The following AVEN variants were observed in gnomAD, a reference collection of about 807,000 sequenced individuals.
AVEN encodes the protein cell death regulator Aven.
AVEN carries 41 observed loss-of-function variants against 38.1 expected under a neutral mutation model. The observed-to-expected ratio is 1.08, with a 90% CI of 0.84 to 1.40. AVEN has a LOEUF of 1.40. Among genes scored for constraint, AVEN ranks in the 40% most tolerant of loss-of-function variants. The pLI is 0.00. For synonymous variants in AVEN, 206 were observed against 171.8 expected, an observed-to-expected ratio of 1.20 and a Z score of -1.56; for missense variants, 605 against 438.8, an observed-to-expected ratio of 1.38 and a Z score of -3.38.
At chr15:33,976,653 T>C (rs914377559) in intron 2 of AVEN, among the ~76,000 whole-genome samples, 20 of 152,126 alleles carry the variant, frequency 1.3e-4, no homozygotes, top group Admixed American at 5.9e-4. Context: ...GCAGGCATAA[T>C]GGTATATCTC....
At chr15:33,888,491 G>A (rs1472656269) in intron 2 of AVEN, among the ~76,000 whole-genome samples, 1 of 152,158 alleles carries the variant, frequency 6.6e-6, no homozygotes, top group Non-Finnish European at 1.5e-5. Context: ...AGGTACTGTG[G>A]GATGTGCAAG....
rs146730433 is a variant in AVEN at position 33,911,263 on chromosome 15, G to A, written c.446-35268C>T. Among the ~76,000 whole-genome samples, 487 of 152,282 alleles carry A rather than the reference G, an allele frequency of 3.2e-3. 2 individuals are homozygous for A. Among genetic ancestry groups the A allele is most frequent in the African/African-American group, 0.011 (473 of 41,556 alleles). On this transcript the variant is annotated intron_variant, in intron 2 of 5. Coordinates refer to ENST00000306730, the MANE Select transcript of AVEN (RefSeq NM_020371.3). ...CTTGTTCTACTGACCAGATACCACTGTGAAGGCAGCAGATCAAAGCTGGTG... is the reference window on the plus strand; with the variant it reads ...CTTGTTCTACTGACCAGATACCACTATGAAGGCAGCAGATCAAAGCTGGTG...
chr15:34,045,709 A>G (rs1899657407), intron 5 of AVEN, among the ~76,000 whole-genome samples: 2 of 142,914 alleles, frequency 1.4e-5, no homozygotes, highest in Admixed American at 1.5e-4. Flanking sequence ...CATAAAAAAA[A>G]AAAGGTGTTT....
intron 2 of AVEN, among the ~76,000 whole-genome samples, chr15:33,918,930 T>TTC (rs1446457539): frequency 6.6e-6 from 1 of 151,080 alleles, no homozygotes; most frequent in Non-Finnish European, 1.5e-5. Context: ...TTCTGTTTTT[T>TTC]TTTTTTTTGA....
In AVEN at chr15:33,871,038, T is replaced by A; in HGVS notation, c.517-8A>T. 2 of 1,437,012 alleles carry A rather than the reference T, an allele frequency of 1.4e-6. No homozygotes were observed. Among genetic ancestry groups the A allele is most frequent in the African/African-American group, 1.5e-5 (1 of 68,450 alleles). The allele number at this position is 1,437,012 out of a possible 1,614,324, so 89.0% of individuals were successfully genotyped here. ...CACATAAAATGCTGAATTCTATATA[T>A]ATATATAAAAGAAAATAAAATATCA... On this transcript the variant is annotated splice_region_variant and splice_polypyrimidine_tract_variant and intron_variant, in intron 3 of 5. Transcript: ENST00000306730.
chr15:33,863,669 G>C (rs1032903719), downstream of AVEN, among the ~76,000 whole-genome samples: 1 of 152,038 alleles, frequency 6.6e-6, no homozygotes, highest in Non-Finnish European at 1.5e-5. Context: ...CAAAACTATA[G>C]TTCTGGAAGA....
At chr15:34,018,462 C>T (rs995645527) in intron 1 of AVEN, 4 of 152,070 alleles carry the variant, frequency 2.6e-5, no homozygotes, top group Admixed American at 6.6e-5. Context: ...CACATACCTT[C>T]GCAGTGAGTG....
intron 1 of AVEN, among the ~76,000 whole-genome samples, chr15:34,030,464 G>T (rs958217068): frequency 6.6e-6 from 1 of 152,016 alleles, no homozygotes; most frequent in African/African-American, 2.4e-5. Context: ...TCCTGCCTCA[G>T]CCTCTCAAGT....
chr15:33,920,271 G>A (rs1893345059), intron 2 of AVEN, among the ~76,000 whole-genome samples: 1 of 152,158 alleles, frequency 6.6e-6, no homozygotes, highest in African/African-American at 2.4e-5. Flanking sequence ...TATGCATATT[G>A]TCCTGCAACC....
chr15:33,921,903 A>AAG (rs879425683), intron 2 of AVEN, among the ~76,000 whole-genome samples: 104,388 of 151,492 alleles, frequency 0.69, 36,298 homozygotes, highest in East Asian at 0.8. Context: ...CAGCAAACCT[A>AAG]CAGTTCATTT....
chr15:33,858,690 A>AG (rs1190095599), downstream of AVEN: 2 of 139,216 alleles, frequency 1.4e-5, no homozygotes, highest in African/African-American at 5.0e-5. Flanking sequence ...GGAGGTGGGG[A>AG]GGGGGAGTCC....
At chr15:33,963,499 T>C (rs746375225) in intron 2 of AVEN, among the ~76,000 whole-genome samples, 2 of 152,046 alleles carry the variant, frequency 1.3e-5, no homozygotes, top group Non-Finnish European at 2.9e-5. Flanking sequence ...TATCAGAAAG[T>C]AAAACACCAG....
chr15:34,029,467 G>A (rs1898658889), intron 1 of AVEN, among the ~76,000 whole-genome samples: 1 of 140,146 alleles, frequency 7.1e-6, no homozygotes, highest in Admixed American at 7.5e-5. Flanking sequence ...GATCACTTGA[G>A]TCCAGGAGTT....
At chr15:33,880,014 T>A (rs1891417880) in intron 2 of AVEN, among the ~76,000 whole-genome samples, 1 of 152,172 alleles carries the variant, frequency 6.6e-6, no homozygotes. Flanking sequence ...GTACTATATG[T>A]GAATATATAA....
intron 2 of AVEN, among the ~76,000 whole-genome samples, chr15:33,975,600 C>CAGA (rs1460693719): frequency 1.3e-5 from 2 of 152,156 alleles, no homozygotes; most frequent in Non-Finnish European, 2.9e-5. Flanking sequence ...TAATAGAACT[C>CAGA]AGAATTCAGT....
chr15:33,907,147 T>C (rs1031335482), intron 2 of AVEN, among the ~76,000 whole-genome samples: 8 of 152,180 alleles, frequency 5.3e-5, no homozygotes, highest in Non-Finnish European at 1.2e-4. Context: ...TTGTCCAATA[T>C]GATAATATCT....
At chr15:34,022,710 A>G (rs1898256550) in intron 1 of AVEN, among the ~76,000 whole-genome samples, 1 of 152,106 alleles carries the variant, frequency 6.6e-6, no homozygotes, top group Non-Finnish European at 1.5e-5. Context: ...AATTTTAAAG[A>G]CTCCAAGGAT....
intron 2 of AVEN, among the ~76,000 whole-genome samples, chr15:33,890,382 A>G (rs1012621130): frequency 6.6e-6 from 1 of 152,198 alleles, no homozygotes; most frequent in African/African-American, 2.4e-5. Context: ...GAAGGAGGGA[A>G]ATAATAATGC....
intron 2 of AVEN, among the ~76,000 whole-genome samples, chr15:33,976,681 A>G (rs1895902861): frequency 6.6e-6 from 1 of 152,194 alleles, no homozygotes; most frequent in East Asian, 1.9e-4. Flanking sequence ...AATATTTTAA[A>G]TAAATGTAAA....
Sources: gnomAD v4.1 joint callset for allele counts (sites outside exome capture counted in the v4.1 genomes callset) on GRCh38, gnomAD v4.1.1 for gene constraint, MANE v1.5 for transcripts, NCBI Gene and HGNC (gene_info 2026-07-23, HGNC 2026-07-21) for gene names.